Variants in ADGRL3 observed in about 807,000 individuals in gnomAD.
The protein encoded by ADGRL3 is adhesion G protein-coupled receptor L3.
Under a neutral mutation model 153.5 loss-of-function variants are expected in ADGRL3, and 62 were observed. The observed-to-expected ratio is 0.40, with a 90% CI of 0.33 to 0.50. The LOEUF (loss-of-function observed/expected upper bound fraction) is 0.50. ADGRL3 is among the 20% of genes least tolerant of loss of function. The pLI, the probability that ADGRL3 is intolerant of heterozygous loss-of-function variation, is 0.47. For missense variants in ADGRL3, 1,641 were observed against 1,859.4 expected (o/e 0.88, Z 2.16); for synonymous variants, 710 against 672.5 (o/e 1.06, Z -0.86).
intron 1 of ADGRL3, among the ~76,000 whole-genome samples, chr4:61,288,026 G>A (rs1355570860): frequency 4.6e-5 from 7 of 151,780 alleles, no homozygotes; most frequent in Non-Finnish European, 8.8e-5. Flanking sequence ...CATCCAGCCA[G>A]TGTATTGGAA....
At chr4:61,965,284 C>T (rs1347313267) in intron 17 of ADGRL3, among the ~76,000 whole-genome samples, 1 of 152,050 alleles carries the variant, frequency 6.6e-6, no homozygotes, top group Non-Finnish European at 1.5e-5. Flanking sequence ...CAGGCGTGAG[C>T]CACTGTACCT....
intron 2 of ADGRL3, among the ~76,000 whole-genome samples, chr4:61,421,717 C>T (rs187682126): frequency 3.9e-5 from 6 of 152,020 alleles, no homozygotes; most frequent in East Asian, 1.9e-4. Context: ...ATATTGTGAT[C>T]GGTACCATTA....
At chr4:61,935,875 C>T (rs1560399221) in intron 14 of ADGRL3, 48 bp from the exon 15 acceptor site, 1 of 1,526,794 alleles carries the variant, frequency 6.5e-7, no homozygotes, top group Non-Finnish European at 8.8e-7. Context: ...ATTATTGTAG[C>T]TTAGGTATGT....
chr4:61,204,054 C>G (rs913899685), intron 1 of ADGRL3, among the ~76,000 whole-genome samples: 6 of 152,076 alleles, frequency 3.9e-5, no homozygotes, highest in Admixed American at 6.6e-5. Flanking sequence ...TAGATTAGCT[C>G]TGACTGCTTT....
intron 2 of ADGRL3, among the ~76,000 whole-genome samples, chr4:61,453,204 G>A (rs2097695266): frequency 6.6e-6 from 1 of 152,080 alleles, no homozygotes; most frequent in African/African-American, 2.4e-5. Flanking sequence ...TAGGCATTAT[G>A]TAGTTTTAAA....
intron 2 of ADGRL3, among the ~76,000 whole-genome samples, chr4:61,411,754 T>G (rs2097090793): frequency 6.6e-6 from 1 of 152,180 alleles, no homozygotes; most frequent in Non-Finnish European, 1.5e-5. Context: ...TAGGCTGAGC[T>G]GGTGGAAGGA....
intron 9 of ADGRL3, among the ~76,000 whole-genome samples, chr4:61,836,189 T>C (rs2148930852): frequency 6.6e-6 from 1 of 152,282 alleles, no homozygotes; most frequent in Admixed American, 6.5e-5. Context: ...TTTCTTATAT[T>C]TCACAAAGAT....
chr4:61,778,369 A>G (rs890304750), intron 8 of ADGRL3, among the ~76,000 whole-genome samples: 1 of 152,218 alleles, frequency 6.6e-6, no homozygotes, highest in African/African-American at 2.4e-5. Flanking sequence ...TCACATTTGA[A>G]CATTTCAAAC....
intron 1 of ADGRL3, among the ~76,000 whole-genome samples, chr4:61,282,120 A>G (rs1301579501): frequency 6.6e-6 from 1 of 152,094 alleles, no homozygotes; most frequent in African/African-American, 2.4e-5. Context: ...AAAAACTGAT[A>G]ACTTCAGTCT....
At chr4:61,384,702 A>C (rs1299559367) in intron 2 of ADGRL3, among the ~76,000 whole-genome samples, 2 of 151,924 alleles carry the variant, frequency 1.3e-5, no homozygotes, top group African/African-American at 4.8e-5. Context: ...TCTCTTTTCT[A>C]CTTTTTTTTA....
At chr4:61,269,834 C>T (rs534786358) in intron 1 of ADGRL3, among the ~76,000 whole-genome samples, 1 of 151,746 alleles carries the variant, frequency 6.6e-6, no homozygotes, top group Non-Finnish European at 1.5e-5. Flanking sequence ...CATTAAAATA[C>T]GTAATTCAGT....
chr4:61,548,368 G>A (rs564570131), intron 4 of ADGRL3, among the ~76,000 whole-genome samples: 3 of 151,814 alleles, frequency 2.0e-5, no homozygotes, highest in East Asian at 1.9e-4. Flanking sequence ...GCCTGTGTCC[G>A]CAATGATATT....
intron 4 of ADGRL3, among the ~76,000 whole-genome samples, chr4:61,558,195 T>TATATATATATA (rs2098777243): frequency 6.9e-5 from 10 of 144,542 alleles, no homozygotes; most frequent in South Asian, 4.3e-4. Flanking sequence ...TATATATATA[T>TATATATATATA]GATTTACACT....
At chr4:61,262,576 C>T (rs563495560) in intron 1 of ADGRL3, among the ~76,000 whole-genome samples, 5 of 152,228 alleles carry the variant, frequency 3.3e-5, no homozygotes, top group East Asian at 1.9e-4. Flanking sequence ...GGCCAGTAAC[C>T]GGAACTTCTC....
intron 24 of ADGRL3, among the ~76,000 whole-genome samples, chr4:62,044,217 G>T (rs543723490): frequency 2.0e-5 from 3 of 151,548 alleles, no homozygotes; most frequent in Admixed American, 1.3e-4. Context: ...TTTTTTCATG[G>T]TTATAATTAT....
At chr4:61,558,690 T>C (rs1328220351) in intron 4 of ADGRL3, among the ~76,000 whole-genome samples, 2 of 152,038 alleles carry the variant, frequency 1.3e-5, no homozygotes, top group Non-Finnish European at 2.9e-5. Flanking sequence ...TATCTATCTC[T>C]TTCACTATAT....
chr4:61,686,294 T>C (rs1042181966), intron 6 of ADGRL3, among the ~76,000 whole-genome samples: 5 of 152,110 alleles, frequency 3.3e-5, no homozygotes, highest in African/African-American at 1.2e-4. Context: ...CCAAAGTATT[T>C]GTTGCTGAAA....
intron 4 of ADGRL3, among the ~76,000 whole-genome samples, chr4:61,573,373 A>C (rs1303061049): frequency 6.6e-6 from 1 of 151,968 alleles, no homozygotes; most frequent in Admixed American, 6.6e-5. Flanking sequence ...GGCTCCCTAT[A>C]AAGAAAATAT....
intron 17 of ADGRL3, among the ~76,000 whole-genome samples, chr4:61,952,491 A>AG (rs1284242986): frequency 7.9e-5 from 12 of 152,192 alleles, no homozygotes; most frequent in Admixed American, 6.5e-4. Context: ...AAAAAAAAAA[A>AG]AAACAATTTC....
Sources: gnomAD v4.1 joint callset for allele counts (sites outside exome capture counted in the v4.1 genomes callset) on GRCh38, gnomAD v4.1.1 for gene constraint, MANE v1.5 for transcripts, NCBI Gene and HGNC (gene_info 2026-07-23, HGNC 2026-07-21) for gene names.